CSMD1: variants seen among roughly 807,000 people sequenced by gnomAD.
CSMD1 encodes the protein CUB and sushi domain-containing protein 1.
A neutral mutation model predicts 417.5 loss-of-function variants in CSMD1; 213 were observed. That is an observed-to-expected ratio of 0.51 (90% confidence interval 0.46 to 0.57). The LOEUF (loss-of-function observed/expected upper bound fraction) is 0.57. CSMD1 is among the 20% of genes least tolerant of loss of function. The pLI, the probability that CSMD1 is intolerant of heterozygous loss-of-function variation, is 0.00. For missense variants in CSMD1, 6,923 were observed against 4,529.7 expected, an observed-to-expected ratio of 1.53 and a Z score of -15.17; for synonymous variants, 2,862 against 1,736.8, an observed-to-expected ratio of 1.65 and a Z score of -16.11.
intron 2 of CSMD1, among the ~76,000 whole-genome samples, chr8:4,496,683 C>G (rs1801995640): frequency 6.6e-6 from 1 of 152,080 alleles, no homozygotes; most frequent in African/African-American, 2.4e-5. Flanking sequence ...GCCACTCTGA[C>G]AAAGCAGGCA....
At chr8:4,236,026 GTTTTTTTTGTTTGTTTTTT>G (rs1641708193) in intron 3 of CSMD1, among the ~76,000 whole-genome samples, 2 of 108,084 alleles carry the variant, frequency 1.9e-5, no homozygotes, top group African/African-American at 4.2e-5. Flanking sequence ...AATGGATATT[GTTTTTTTTGTTTGTTTTTT>G]TTTTTTTTTT....
intron 2 of CSMD1, among the ~76,000 whole-genome samples, chr8:4,556,933 A>C (rs1798121714): frequency 6.6e-6 from 1 of 152,224 alleles, no homozygotes; most frequent in Non-Finnish European, 1.5e-5. Flanking sequence ...CATTTCAGAT[A>C]AGTGATATTC....
intron 1 of CSMD1, among the ~76,000 whole-genome samples, chr8:4,669,569 C>G (rs1805163575): frequency 6.6e-6 from 1 of 152,118 alleles, no homozygotes; most frequent in Admixed American, 6.5e-5. Flanking sequence ...TTACCCATCT[C>G]CAGAGAAGCA....
At chr8:4,948,322 T>C (rs984584746) in intron 1 of CSMD1, among the ~76,000 whole-genome samples, 7 of 152,072 alleles carry the variant, frequency 4.6e-5, no homozygotes, top group Admixed American at 6.5e-5. Flanking sequence ...TGTTTTCCTT[T>C]TTTGAAGTGT....
chr8:4,008,895 C>G (rs143834462), intron 4 of CSMD1, among the ~76,000 whole-genome samples: 2,642 of 150,274 alleles, frequency 0.018, 79 homozygotes, highest in African/African-American at 0.063. Flanking sequence ...CAGGCGTGAG[C>G]CACCGCGCCC....
intron 2 of CSMD1, among the ~76,000 whole-genome samples, chr8:4,485,739 T>C (rs1439841321): frequency 6.6e-6 from 1 of 152,144 alleles, no homozygotes; most frequent in Non-Finnish European, 1.5e-5. Context: ...TTAATCCCAA[T>C]AAATCCAATG....
At chr8:4,383,008 C>G (rs976312251) in intron 3 of CSMD1, among the ~76,000 whole-genome samples, 2 of 152,182 alleles carry the variant, frequency 1.3e-5, no homozygotes, top group African/African-American at 4.8e-5. Context: ...ATATCAGCGC[C>G]TTCAGTAAGA....
chr8:2,997,268 T>A (rs887435071), intron 54 of CSMD1, among the ~76,000 whole-genome samples: 2 of 152,250 alleles, frequency 1.3e-5, no homozygotes, highest in African/African-American at 4.8e-5. Flanking sequence ...ACTCTGCAGC[T>A]GAGTAGCCAA....
chr8:3,029,010 T>C (rs1810144372), intron 51 of CSMD1, among the ~76,000 whole-genome samples: 1 of 152,216 alleles, frequency 6.6e-6, no homozygotes, highest in East Asian at 1.9e-4. Context: ...AGTCTGTCTA[T>C]GGCGTAAGAG....
At chr8:4,474,067 T>G (rs1345201659) in intron 2 of CSMD1, among the ~76,000 whole-genome samples, 1 of 152,120 alleles carries the variant, frequency 6.6e-6, no homozygotes, top group African/African-American at 2.4e-5. Flanking sequence ...TATGCAAACG[T>G]ATAATGTATG....
intron 26 of CSMD1, among the ~76,000 whole-genome samples, chr8:3,252,183 A>T (rs1329860501): frequency 2.0e-5 from 3 of 152,168 alleles, no homozygotes; most frequent in Non-Finnish European, 4.4e-5. Flanking sequence ...ATTCAGTATG[A>T]TATTGGCTGT....
At position 3,312,268 on chromosome 8, in the gene CSMD1, C is replaced by G. The variant is rs188040961; in HGVS notation, c.3632-3765G>C. ...ACCTTGTCATACAGAAGAATTAAGC[C>G]AAGTTATTTATGGCAGCGTAGTTTT... On this transcript the variant is annotated intron_variant, in intron 23 of 69. Transcript: ENST00000635120. Among the ~76,000 whole-genome samples the G allele has an allele frequency of 1.3e-3, 202 of 152,232 alleles. 2 individuals are homozygous for G. Among genetic ancestry groups the G allele is most frequent in the African/African-American group, 4.7e-3 (194 of 41,562 alleles).
intron 5 of CSMD1, among the ~76,000 whole-genome samples, chr8:3,938,457 G>C (rs954294740): frequency 1.3e-5 from 2 of 152,164 alleles, no homozygotes; most frequent in African/African-American, 4.8e-5. Flanking sequence ...CAGTGGATCT[G>C]TGGTGGGGAT....
intron 7 of CSMD1, among the ~76,000 whole-genome samples, chr8:3,696,812 T>C (rs1800579752): frequency 6.6e-6 from 1 of 152,246 alleles, no homozygotes; most frequent in Non-Finnish European, 1.5e-5. Flanking sequence ...CTACTCTTTA[T>C]CATTTGAATT....
intron 1 of CSMD1, among the ~76,000 whole-genome samples, chr8:4,777,019 C>G (rs1056679714): frequency 6.6e-6 from 1 of 152,144 alleles, no homozygotes; most frequent in African/African-American, 2.4e-5. Flanking sequence ...TGATTTCTAT[C>G]TAGTAAAGTT....
At chr8:4,508,959 C>A (rs1410436775) in intron 2 of CSMD1, among the ~76,000 whole-genome samples, 2 of 152,044 alleles carry the variant, frequency 1.3e-5, no homozygotes, top group Non-Finnish European at 2.9e-5. Flanking sequence ...TGAGGGCAGC[C>A]TGAGCTTTCC....
At chr8:4,011,680 G>T (rs535005811) in intron 4 of CSMD1, among the ~76,000 whole-genome samples, 1 of 152,020 alleles carries the variant, frequency 6.6e-6, no homozygotes, top group Non-Finnish European at 1.5e-5. Context: ...TTTAAACTAC[G>T]AAATAATTAG....
chr8:4,293,452 A>C (rs1797486446), intron 3 of CSMD1, among the ~76,000 whole-genome samples: 1 of 152,232 alleles, frequency 6.6e-6, no homozygotes, highest in African/African-American at 2.4e-5. Context: ...TAATTACACT[A>C]ATATGTGAAA....
chr8:3,307,928 G>C (rs1805010161), intron 24 of CSMD1, 107 bp from the exon 25 acceptor site: 1 of 1,218,784 alleles, frequency 8.2e-7, no homozygotes, highest in Non-Finnish European at 1.1e-6. Context: ...TATACATAGA[G>C]AAAAAGAATC....
Sources: allele counts gnomAD v4.1 joint callset (sites outside exome capture counted in the v4.1 genomes callset), GRCh38; gene constraint gnomAD v4.1.1; transcripts MANE v1.5; gene names NCBI Gene and HGNC (gene_info 2026-07-23, HGNC 2026-07-21).